Variants in ZC3H4 observed in about 807,000 individuals in gnomAD.
The protein encoded by ZC3H4 is zinc finger CCCH-type containing 4.
A neutral mutation model predicts 108.3 loss-of-function variants in ZC3H4; 13 were observed. The observed-to-expected ratio is 0.12, with a 90% CI of 0.08 to 0.19. The LOEUF is 0.19. Ranked by LOEUF, ZC3H4 falls within the 10% of genes least tolerant of loss-of-function variation. The pLI is 1.00. For synonymous variants in ZC3H4, 917 were observed against 749.6 expected, an observed-to-expected ratio of 1.22 and a Z score of -3.65; for missense variants, 1,734 against 1,838.8, an observed-to-expected ratio of 0.94 and a Z score of 1.04.
intron 11 of ZC3H4, among the ~76,000 whole-genome samples, chr19:47,078,440 C>T (rs749015153): frequency 1.0e-4 from 15 of 150,516 alleles, no homozygotes; most frequent in Admixed American, 6.6e-4. Flanking sequence ...GCCGAGACCA[C>T]GCCCACTGCA....
chr19:47,111,936 C>A (rs138012817), intron 2 of ZC3H4, among the ~76,000 whole-genome samples: 2,028 of 152,244 alleles, frequency 0.013, 35 homozygotes, highest in African/African-American at 0.039. Flanking sequence ...CCCCTAAGAG[C>A]GGGGCTGTTG....
rs372096669 is a variant in ZC3H4 at position 47,085,199 on chromosome 19, T to G, written c.968-4A>C. 6.2e-6 allele frequency: 10 copies of G among 1,601,022 alleles called. No homozygotes were observed. The African/African-American group carries it at 9.4e-5, about 15-fold the overall frequency. On this transcript the variant is annotated splice_polypyrimidine_tract_variant and splice_region_variant and intron_variant, in intron 7 of 14. Coordinates refer to ENST00000253048, the MANE Select transcript of ZC3H4 (RefSeq NM_015168.2). ...CTGCCACGGCCTCGACTTAGCCCTG[T>G]GGAGGGGAGATTGTGTGAAGACCTG...
At chr19:47,106,259 G>C (rs1384833813) in intron 2 of ZC3H4, among the ~76,000 whole-genome samples, 1 of 152,154 alleles carries the variant, frequency 6.6e-6, no homozygotes, top group Non-Finnish European at 1.5e-5. Context: ...ATCACTCTCA[G>C]CAGAGGGCCA....
At chr19:47,082,368 G>C in intron 9 of ZC3H4, 73 bp from the exon 10 acceptor site, 1 of 1,126,940 alleles carries the variant, frequency 8.9e-7, no homozygotes, top group Non-Finnish European at 1.4e-6. Context: ...GCAAAGGGAA[G>C]AAATACTGTC....
intron 2 of ZC3H4, among the ~76,000 whole-genome samples, chr19:47,110,451 C>T (rs1219415351): frequency 6.6e-6 from 1 of 152,076 alleles, no homozygotes; most frequent in African/African-American, 2.4e-5. Context: ...CTGTGTACGT[C>T]AAATTTTAAA....
chr19:47,108,565 A>G (rs1035021233), intron 2 of ZC3H4, among the ~76,000 whole-genome samples: 1 of 152,210 alleles, frequency 6.6e-6, no homozygotes, highest in Non-Finnish European at 1.5e-5. Flanking sequence ...ACCAGGCCCA[A>G]TATGAAATTG....
chr19:47,112,259 A>T, intron 2 of ZC3H4, 165 bp downstream of exon 2: 1 of 1,140,358 alleles, frequency 8.8e-7, no homozygotes, highest in Non-Finnish European at 1.1e-6. Flanking sequence ...AGCGAGAAAG[A>T]GCGAGCGAGC....
chr19:47,090,259 C>T lies in ZC3H4; in HGVS notation c.493-70G>A. On this transcript the variant is annotated intron_variant, in intron 4 of 14. Transcript: ENST00000253048. ...CCGTGGGTGCAGACTACCAAGATACCCAGGGTTCCCTAAACGAACATGTCT... is the reference window on the plus strand; with the variant it reads ...CCGTGGGTGCAGACTACCAAGATACTCAGGGTTCCCTAAACGAACATGTCT... 4 of 1,551,882 alleles carry T rather than the reference C, an allele frequency of 2.6e-6. 1 individual carries two copies. Among genetic ancestry groups the T allele is most frequent in the Admixed American group, 3.5e-5 (2 of 57,102 alleles).
chr19:47,096,925 G>A (rs1276678039), intron 2 of ZC3H4: 17 of 985,350 alleles, frequency 1.7e-5, no homozygotes, highest in South Asian at 9.4e-5. Context: ...CCAACACCGC[G>A]GCACAGCAGG....
intron 5 of ZC3H4, among the ~76,000 whole-genome samples, chr19:47,089,004 G>C (rs1275547173): frequency 6.6e-6 from 1 of 151,778 alleles, no homozygotes; most frequent in Non-Finnish European, 1.5e-5. Context: ...TCACGAGATC[G>C]AGACCAGCCT....
chr19:47,111,455 C>T (rs2058038139), intron 2 of ZC3H4, among the ~76,000 whole-genome samples: 1 of 152,188 alleles, frequency 6.6e-6, no homozygotes, highest in South Asian at 2.1e-4. Flanking sequence ...AGAGACGGTG[C>T]CCCATTTTAC....
intron 5 of ZC3H4, 108 bp from the exon 6 acceptor site, chr19:47,086,646 C>T (rs569793588): frequency 3.5e-6 from 5 of 1,424,342 alleles, no homozygotes; most frequent in Admixed American, 3.1e-5. Context: ...GCTGCCTCCT[C>T]CTCCTTCTCC....
chr19:47,112,197 G>A, intron 2 of ZC3H4: 3 of 1,212,914 alleles, frequency 2.5e-6, no homozygotes, highest in Non-Finnish European at 2.0e-6. Context: ...GCGAGGGAGA[G>A]CGGGCGAGCG....
In ZC3H4 at chr19:47,090,195, T is replaced by A. The variant is rs201859194; in HGVS notation, c.493-6A>T. 32 of 1,614,058 alleles carry A rather than the reference T, an allele frequency of 2.0e-5. No individual in the cohort carries two copies. The highest frequency in any genetic ancestry group is 2.7e-5 in the Non-Finnish European group (32 of 1,179,964). On this transcript the variant is annotated splice_polypyrimidine_tract_variant and splice_region_variant and intron_variant, in intron 4 of 14. Coordinates refer to ENST00000253048, the MANE Select transcript of ZC3H4 (RefSeq NM_015168.2). ...GGGGGGTACTGCTGGTGGGACTGCG[T>A]CCCAGAGATGGGGAAAAGAGGTGAG...
rs1170122720 is a variant in ZC3H4 at position 47,069,354 on chromosome 19, G to A, written c.2147-11C>T. The A allele has an allele frequency of 1.2e-6, 2 of 1,609,706 alleles. No homozygotes were observed. The highest frequency in any genetic ancestry group is 1.7e-5 in the Admixed American group (1 of 59,380). ...AGTGCCCGTAGTCCTCTGTGGCAGG[G>A]AAGAACCGAGGGTTCATGTCGGGAA... On this transcript the variant is annotated splice_polypyrimidine_tract_variant and intron_variant, in intron 13 of 14. Coordinates refer to ENST00000253048, the MANE Select transcript of ZC3H4 (RefSeq NM_015168.2).
rs751299431 is a variant in ZC3H4 at position 47,072,183 on chromosome 19, G to A, written c.1803-62C>T. The A allele has an allele frequency of 6.9e-7, 1 of 1,451,022 alleles. No individual in the cohort carries two copies. Among genetic ancestry groups the A allele is most frequent in the Non-Finnish European group, 9.2e-7 (1 of 1,090,706 alleles). 89.9% of individuals were successfully genotyped at this position (1,451,022 alleles called of 1,614,324 possible). On this transcript the variant is annotated intron_variant, in intron 12 of 14. Coordinates refer to ENST00000253048, the MANE Select transcript of ZC3H4 (RefSeq NM_015168.2). The surrounding 1 kb of genome is among the most constrained non-coding windows in gnomAD (Gnocchi z 5.6). ...CGAGGAGGGCAGTGGCCACACCCCA[G>A]AGGAGAGGCGGAGGGCTGCAGAGCC...
chr19:47,102,596 C>T (rs957138013), intron 2 of ZC3H4, among the ~76,000 whole-genome samples: 7 of 152,124 alleles, frequency 4.6e-5, no homozygotes, highest in Non-Finnish European at 1.0e-4. Flanking sequence ...AAGCACTTAG[C>T]AGGAACCTTG....
chr19:47,113,215 G>A (rs2058063442), intron 1 of ZC3H4: 1 of 153,064 alleles, frequency 6.5e-6, no homozygotes, highest in African/African-American at 2.4e-5. Context: ...TCACGTGCAG[G>A]AGAGGGGTAG....
At chr19:47,104,539 C>T (rs1482535103) in intron 2 of ZC3H4, among the ~76,000 whole-genome samples, 3 of 152,146 alleles carry the variant, frequency 2.0e-5, no homozygotes, top group African/African-American at 7.2e-5. Context: ...TCAATTTCAT[C>T]AATAGAAACA....
Sources: allele counts gnomAD v4.1 joint callset (sites outside exome capture counted in the v4.1 genomes callset), GRCh38; gene constraint gnomAD v4.1.1; non-coding constraint Gnocchi (gnomAD v3.1); transcripts MANE v1.5; gene names NCBI Gene and HGNC (gene_info 2026-07-23, HGNC 2026-07-21).